The following SDC2 variants were observed in gnomAD, a reference collection of about 807,000 sequenced individuals.
SDC2 encodes the protein syndecan 2.
Under a neutral mutation model 22.2 loss-of-function variants are expected in SDC2, and 13 were observed. The ratio of observed to expected loss-of-function variants is 0.59; its 90% CI spans 0.38 to 0.93. SDC2 has a LOEUF of 0.93. Among genes scored for constraint, SDC2 ranks in the 40% least tolerant of loss-of-function variants. SDC2 has a pLI of 0.00. For synonymous variants in SDC2, 94 were observed against 92.8 expected, an observed-to-expected ratio of 1.01 and a Z score of -0.07; for missense variants, 235 against 246.8, an observed-to-expected ratio of 0.95 and a Z score of 0.32.
intron 1 of SDC2, among the ~76,000 whole-genome samples, chr8:96,570,191 G>A (rs1036356298): frequency 6.6e-6 from 1 of 152,108 alleles, no homozygotes; most frequent in East Asian, 1.9e-4. Flanking sequence ...AAGTGGCAGA[G>A]CCAGGCAAGT....
chr8:96,597,914 C>T (rs1274408097), intron 2 of SDC2, among the ~76,000 whole-genome samples: 1 of 152,224 alleles, frequency 6.6e-6, no homozygotes, highest in Non-Finnish European at 1.5e-5. Context: ...TTTCCAAATT[C>T]ATACATGCAA....
At chr8:96,565,563 G>A (rs891298604) in intron 1 of SDC2, among the ~76,000 whole-genome samples, 10 of 152,144 alleles carry the variant, frequency 6.6e-5, no homozygotes, top group African/African-American at 2.4e-4. Context: ...AATAGGAAGT[G>A]TGGTGTTGGG....
At chr8:96,506,878 G>A (rs1464578685) in intron 1 of SDC2, among the ~76,000 whole-genome samples, 2 of 151,850 alleles carry the variant, frequency 1.3e-5, no homozygotes, top group African/African-American at 2.4e-5. Flanking sequence ...GTGTGGTGGC[G>A]GGCGCCTGTA....
At chr8:96,497,734 G>C (rs1813097183) in intron 1 of SDC2, among the ~76,000 whole-genome samples, 1 of 152,178 alleles carries the variant, frequency 6.6e-6, no homozygotes, top group Non-Finnish European at 1.5e-5. Flanking sequence ...TGTCATTAAG[G>C]TTTATAGCAA....
chr8:96,575,814 A>G (rs918812011), intron 1 of SDC2, among the ~76,000 whole-genome samples: 1 of 152,188 alleles, frequency 6.6e-6, no homozygotes, highest in African/African-American at 2.4e-5. Flanking sequence ...ACACACATAG[A>G]AAAATGATTT....
chr8:96,495,399 T>C (rs1813056652), intron 1 of SDC2, among the ~76,000 whole-genome samples: 1 of 152,150 alleles, frequency 6.6e-6, no homozygotes, highest in Non-Finnish European at 1.5e-5. Context: ...GGGAACTGCC[T>C]CCTTGGCCTC....
At chr8:96,511,439 A>G (rs1163502574) in intron 1 of SDC2, among the ~76,000 whole-genome samples, 2 of 152,240 alleles carry the variant, frequency 1.3e-5, no homozygotes, top group East Asian at 3.8e-4. Context: ...CAAGATTCCC[A>G]GTGACTCATA....
intron 1 of SDC2, among the ~76,000 whole-genome samples, chr8:96,540,774 T>G (rs1364881826): frequency 6.6e-6 from 1 of 152,208 alleles, no homozygotes; most frequent in East Asian, 1.9e-4. Context: ...GAAGTAGGTT[T>G]TACCACAGCG....
At chr8:96,532,423 T>G (rs1384729634) in intron 1 of SDC2, among the ~76,000 whole-genome samples, 2 of 143,068 alleles carry the variant, frequency 1.4e-5, no homozygotes, top group Non-Finnish European at 1.5e-5. Context: ...TTTTTTTTTT[T>G]TTTTTTTTTT....
chr8:96,519,473 G>T (rs186743022), intron 1 of SDC2, among the ~76,000 whole-genome samples: 19 of 152,206 alleles, frequency 1.2e-4, no homozygotes, highest in African/African-American at 4.3e-4. Flanking sequence ...TGATCTGGTT[G>T]GAGGTTGTTT....
chr8:96,571,573 T>A (rs1393543617), intron 1 of SDC2, among the ~76,000 whole-genome samples: 2 of 152,246 alleles, frequency 1.3e-5, no homozygotes, highest in African/African-American at 4.8e-5. Flanking sequence ...TTTGATTCTT[T>A]CCCTAGTGAT....
Position 96,497,466 on chromosome 8 carries a change from A to G in SDC2, c.60+3135A>G, listed in dbSNP as rs114342100. On this transcript the variant is annotated intron_variant, in intron 1 of 4. Transcript: ENST00000302190. ...CTTCAGCTTCTGCTTTTAGGACCTGATATGTCTAGTTTTGATGGTAACCAC... is the reference window on the plus strand; with the variant it reads ...CTTCAGCTTCTGCTTTTAGGACCTGGTATGTCTAGTTTTGATGGTAACCAC... Among the ~76,000 whole-genome samples the G allele has an allele frequency of 8.5e-3, 1,298 of 152,192 alleles. 21 individuals are homozygous for G. Among genetic ancestry groups the G allele is most frequent in the African/African-American group, 0.029 (1,212 of 41,506 alleles).
chr8:96,562,558 G>A lies in SDC2; in HGVS notation c.61-30922G>A, dbSNP rs1439722755. Among the ~76,000 whole-genome samples the A allele has an allele frequency of 3.9e-5, 6 of 152,168 alleles. No homozygotes were observed. In the East Asian group the frequency reaches 7.7e-4, roughly 20 times the overall value. On this transcript the variant is annotated intron_variant, in intron 1 of 4. Transcript: ENST00000302190. Reference sequence around the variant, plus strand: ...TCAGAAGCTCTGCATTGGTGGATTAGTGAGTCCTTTCCTCATTTTCTCCTC... The same window carrying A: ...TCAGAAGCTCTGCATTGGTGGATTAATGAGTCCTTTCCTCATTTTCTCCTC...
chr8:96,580,618 C>A, intron 1 of SDC2: 1 of 731,054 alleles, frequency 1.4e-6, no homozygotes, highest in Non-Finnish European at 1.7e-6. Flanking sequence ...AAACATTGGT[C>A]CCATCCTCAC....
chr8:96,494,417 C>T lies in SDC2; in HGVS notation c.60+86C>T, dbSNP rs78492430. ...CCCGCAGGGAATAGGGGAGCGCCAC[C>T]TGGGGAACCCCCAGTCCCCAAGTAT... On this transcript the variant is annotated intron_variant, in intron 1 of 4. Coordinates refer to ENST00000302190, the MANE Select transcript of SDC2 (RefSeq NM_002998.4). 4.7e-3 allele frequency: 6,105 copies of T among 1,312,152 alleles called. 233 individuals are homozygous for T. The Admixed American group carries it at 0.07, about 15-fold the overall frequency. 81.3% of individuals were successfully genotyped at this position (1,312,152 alleles called of 1,614,324 possible). A position where few individuals can be genotyped will look rare whatever the true frequency, so the allele number is the denominator to read the frequency against.
chr8:96,560,156 C>T (rs1814184961), intron 1 of SDC2, among the ~76,000 whole-genome samples: 1 of 152,120 alleles, frequency 6.6e-6, no homozygotes, highest in Non-Finnish European at 1.5e-5. Context: ...TCATTCTCAA[C>T]CCTTTCCAGT....
chr8:96,495,276 C>T (rs1813053466), intron 1 of SDC2, among the ~76,000 whole-genome samples: 1 of 152,236 alleles, frequency 6.6e-6, no homozygotes, highest in African/African-American at 2.4e-5. Context: ...GAGCGCCTGC[C>T]GGCACCCAGC....
chr8:96,575,583 C>A (rs560922018), intron 1 of SDC2, among the ~76,000 whole-genome samples: 1 of 152,214 alleles, frequency 6.6e-6, no homozygotes, highest in South Asian at 2.1e-4. Context: ...CGAACAATTT[C>A]TTTCTTTAAT....
At chr8:96,517,771 ATGTGTGTGTG>A (rs34151563) in intron 1 of SDC2, among the ~76,000 whole-genome samples, 5,085 of 149,368 alleles carry the variant, frequency 0.034, 256 homozygotes, top group African/African-American at 0.11. Context: ...GTGTGTGTGC[ATGTGTGTGTG>A]TGTGTGTGTG....
Sources: allele counts gnomAD v4.1 joint callset (sites outside exome capture counted in the v4.1 genomes callset), GRCh38; gene constraint gnomAD v4.1.1; transcripts MANE v1.5; gene names NCBI Gene and HGNC (gene_info 2026-07-23, HGNC 2026-07-21).